Variants in TNS3 observed in about 807,000 individuals in gnomAD.
TNS3 encodes tensin 3.
Under a neutral mutation model 140.9 loss-of-function variants are expected in TNS3, and 45 were observed. That is an observed-to-expected ratio of 0.32 (90% CI 0.25 to 0.41). The LOEUF (loss-of-function observed/expected upper bound fraction) is 0.41, where lower values mean the gene tolerates loss of function less well. Among genes scored for constraint, TNS3 ranks in the 10% least tolerant of loss-of-function variants. TNS3 has a pLI of 1.00. For missense variants in TNS3, 1,716 were observed against 1,906.7 expected (o/e 0.90, Z 1.86); for synonymous variants, 815 against 788.4 (o/e 1.03, Z -0.56).
intron 16 of TNS3, among the ~76,000 whole-genome samples, chr7:47,385,555 G>A (rs1053274901): frequency 3.3e-5 from 5 of 152,162 alleles, no homozygotes; most frequent in Non-Finnish European, 7.4e-5. Context: ...ACAAGCACAC[G>A]TGGCCTCTGG....
At chr7:47,482,041 T>C (rs530245880) in intron 3 of TNS3, among the ~76,000 whole-genome samples, 16 of 152,330 alleles carry the variant, frequency 1.1e-4, no homozygotes, top group African/African-American at 3.6e-4. Flanking sequence ...ATTGCGCTGC[T>C]CTGGGGGGCC....
At chr7:47,442,884 G>A (rs1345097530) in intron 4 of TNS3, among the ~76,000 whole-genome samples, 1 of 152,082 alleles carries the variant, frequency 6.6e-6, no homozygotes, top group African/African-American at 2.4e-5. Context: ...CAACACCCCC[G>A]ATCACACCTG....
chr7:47,410,851 T>A (rs909354667), intron 13 of TNS3, among the ~76,000 whole-genome samples: 1 of 152,178 alleles, frequency 6.6e-6, no homozygotes, highest in Non-Finnish European at 1.5e-5. Flanking sequence ...TTATTTCAGA[T>A]AAAAAATTTT....
chr7:47,534,482 A>C (rs2151951431), intron 1 of TNS3, among the ~76,000 whole-genome samples: 1 of 152,172 alleles, frequency 6.6e-6, no homozygotes, highest in Middle Eastern at 3.4e-3. Flanking sequence ...CATAGGAATC[A>C]CTGGGGCAGT....
chr7:47,493,151 C>T (rs981016079), intron 3 of TNS3, among the ~76,000 whole-genome samples: 1 of 152,172 alleles, frequency 6.6e-6, no homozygotes, highest in South Asian at 2.1e-4. Flanking sequence ...CAGAGTGAAG[C>T]GCAGAGCTCT....
intron 6 of TNS3, among the ~76,000 whole-genome samples, chr7:47,438,462 G>A (rs578113265): frequency 2.6e-4 from 39 of 152,324 alleles, no homozygotes; most frequent in African/African-American, 8.7e-4. Flanking sequence ...AGAGCACACC[G>A]CCTCAGTGAT....
At chr7:47,470,386 T>C (rs575032928) in intron 4 of TNS3, 1 of 898,122 alleles carries the variant, frequency 1.1e-6, no homozygotes, top group African/African-American at 1.8e-5. Context: ...AATAAATAAG[T>C]AAAATATGTG....
chr7:47,508,965 AGCCTCTC>A (rs1798513629), intron 2 of TNS3, among the ~76,000 whole-genome samples: 1 of 152,214 alleles, frequency 6.6e-6, no homozygotes, highest in African/African-American at 2.4e-5. Flanking sequence ...CAGATGGTGC[AGCCTCTC>A]CAGAGACCCT....
At chr7:47,316,167 T>G (rs1272613862) in intron 20 of TNS3, among the ~76,000 whole-genome samples, 1 of 144,532 alleles carries the variant, frequency 6.9e-6, no homozygotes, top group Non-Finnish European at 1.5e-5. Context: ...TCCCTCCTAG[T>G]CACATCCCGG....
intron 1 of TNS3, among the ~76,000 whole-genome samples, chr7:47,537,966 A>ACC (rs113842617): frequency 7.9e-6 from 1 of 126,118 alleles, no homozygotes; most frequent in Non-Finnish European, 1.7e-5. Context: ...CCCTCACCGC[A>ACC]CCCCCCCCAC....
At chr7:47,533,164 G>A (rs571403900) in intron 1 of TNS3, among the ~76,000 whole-genome samples, 28 of 105,710 alleles carry the variant, frequency 2.6e-4, no homozygotes, top group Non-Finnish European at 4.3e-4. Context: ...ACAGAGTCTC[G>A]CTCTGTCGCC....
chr7:47,498,565 A>G (rs1008925179), intron 3 of TNS3, among the ~76,000 whole-genome samples: 3 of 152,254 alleles, frequency 2.0e-5, no homozygotes, highest in African/African-American at 7.2e-5. Context: ...AAAACACAGG[A>G]TACATTTTAA....
intron 3 of TNS3, among the ~76,000 whole-genome samples, chr7:47,494,556 G>C (rs1477387394): frequency 1.3e-5 from 2 of 152,198 alleles, no homozygotes; most frequent in African/African-American, 4.8e-5. Flanking sequence ...GCAGTTTCCA[G>C]TGATAAGGGA....
At chr7:47,299,071 T>C (rs1786227656) in intron 23 of TNS3, among the ~76,000 whole-genome samples, 1 of 152,366 alleles carries the variant, frequency 6.6e-6, no homozygotes, top group Non-Finnish European at 1.5e-5. Flanking sequence ...TGAATTCTGG[T>C]GCACGTTTTC....
intron 20 of TNS3, among the ~76,000 whole-genome samples, chr7:47,341,390 T>C (rs554064189): frequency 6.6e-6 from 1 of 152,362 alleles, no homozygotes; most frequent in African/African-American, 2.4e-5. Flanking sequence ...AGATTATAAA[T>C]TACTAGGTCA....
At chr7:47,368,031 G>A (rs1016620639) in intron 17 of TNS3, among the ~76,000 whole-genome samples, 35 of 152,186 alleles carry the variant, frequency 2.3e-4, no homozygotes, top group African/African-American at 7.0e-4. Flanking sequence ...CAACATTCAC[G>A]AAGGAAGAAT....
chr7:47,546,870 G>A (rs898881849), intron 1 of TNS3, among the ~76,000 whole-genome samples: 7 of 152,188 alleles, frequency 4.6e-5, no homozygotes, highest in Non-Finnish European at 8.8e-5. Flanking sequence ...GGTAAGACAC[G>A]GCTGTGCTCA....
chr7:47,488,742 C>T (rs1488705405), intron 3 of TNS3, among the ~76,000 whole-genome samples: 2 of 152,206 alleles, frequency 1.3e-5, no homozygotes, highest in Admixed American at 6.5e-5. Context: ...CGGGTGGAGA[C>T]GTCAGGTCGA....
In TNS3 at chr7:47,466,760, CCAGA is replaced by C. The variant is rs1796735292; in HGVS notation, c.-76+14339_-76+14342del. ...GGTTACAGAGGACCAGAGCCTAGAG[CCAGA>C]CAGTCATTTATTAGGAGTTTGGAAA... On this transcript the variant is annotated intron_variant, in intron 4 of 30. Transcript: ENST00000311160. Among the ~76,000 whole-genome samples, 4 of 152,176 alleles carry C rather than the reference CCAGA, an allele frequency of 2.6e-5. No homozygotes were observed. The South Asian group carries it at 8.3e-4, about 31-fold the overall frequency.
Sources: gnomAD v4.1 joint callset for allele counts (sites outside exome capture counted in the v4.1 genomes callset) on GRCh38, gnomAD v4.1.1 for gene constraint, MANE v1.5 for transcripts, NCBI Gene and HGNC (gene_info 2026-07-23, HGNC 2026-07-21) for gene names.